Variants in MYT1L observed in about 807,000 individuals in gnomAD.
MYT1L encodes the protein myelin transcription factor 1 like, also known as myelin transcription factor 1-like protein.
MYT1L carries 12 observed loss-of-function variants against 126.7 expected under a neutral mutation model. That is an observed-to-expected ratio of 0.09 (90% CI 0.06 to 0.15). The LOEUF is 0.15. Among genes scored for constraint, MYT1L ranks in the 10% least tolerant of loss-of-function variants. The probability of loss-of-function intolerance (pLI) is 1.00; values close to 1 mark genes in which losing one functional copy is unlikely to be tolerated. For missense variants in MYT1L, 979 were observed against 1,585.2 expected (o/e 0.62, Z 6.49); for synonymous variants, 541 against 604.2 (o/e 0.90, Z 1.53).
At chr2:2,199,753 T>A (rs1013627824) in intron 2 of MYT1L, among the ~76,000 whole-genome samples, 5 of 152,296 alleles carry the variant, frequency 3.3e-5, no homozygotes, top group African/African-American at 1.2e-4. Flanking sequence ...CTGAAGCACT[T>A]CTTCCTCTTT....
chr2:1,816,177 A>G (rs900311263), intron 21 of MYT1L: 5 of 152,648 alleles, frequency 3.3e-5, no homozygotes, highest in African/African-American at 1.2e-4. Flanking sequence ...TTGATGGCTT[A>G]AAGTCCCATG....
At chr2:2,086,701 C>G (rs1259557182) in intron 3 of MYT1L, among the ~76,000 whole-genome samples, 1 of 152,182 alleles carries the variant, frequency 6.6e-6, no homozygotes, top group East Asian at 1.9e-4. Context: ...GGCCTCCGCT[C>G]TCTTAGCTGC....
At chr2:1,909,216 G>A (rs886376502) in intron 13 of MYT1L, among the ~76,000 whole-genome samples, 2 of 152,002 alleles carry the variant, frequency 1.3e-5, no homozygotes, top group African/African-American at 2.4e-5. Flanking sequence ...TGACCTCCTG[G>A]GCTCAAATCA....
chr2:2,101,522 C>T (rs561781815), intron 3 of MYT1L, among the ~76,000 whole-genome samples: 186 of 152,226 alleles, frequency 1.2e-3, no homozygotes, highest in Non-Finnish European at 2.1e-3. Flanking sequence ...TCCATCTATC[C>T]ACTCAGCAAC....
In MYT1L at chr2:2,224,011, G is replaced by A. The variant is rs147097078; in HGVS notation, c.-420-51023C>T. On this transcript the variant is annotated intron_variant, in intron 2 of 24. Coordinates refer to ENST00000647738, the MANE Select transcript of MYT1L (RefSeq NM_001303052.2). The surrounding 1 kb of genome is among the most constrained non-coding windows in gnomAD (Gnocchi z 4.0). ...TGCTTTGACTGAGTTGACAGGTGGAGTGTGTATGTTGTGTGAGGTAACTTT... is the reference window on the plus strand; with the variant it reads ...TGCTTTGACTGAGTTGACAGGTGGAATGTGTATGTTGTGTGAGGTAACTTT... Among the ~76,000 whole-genome samples, 35 of 152,308 alleles carry A rather than the reference G, an allele frequency of 2.3e-4. No homozygotes were observed. Among genetic ancestry groups the A allele is most frequent in the African/African-American group, 7.5e-4 (31 of 41,560 alleles).
chr2:1,797,349 G>T (rs187445815), intron 23 of MYT1L, among the ~76,000 whole-genome samples: 1 of 152,212 alleles, frequency 6.6e-6, no homozygotes, highest in Non-Finnish European at 1.5e-5. Flanking sequence ...TCAGCCTCCC[G>T]AGTACCTGGG....
chr2:2,302,613 C>T (rs1017014636), intron 1 of MYT1L, among the ~76,000 whole-genome samples: 3 of 152,150 alleles, frequency 2.0e-5, no homozygotes, highest in African/African-American at 7.2e-5. Context: ...ACAATGAGTT[C>T]TTTCCGTCCC....
At chr2:2,031,295 A>G (rs1423597370) in intron 4 of MYT1L, among the ~76,000 whole-genome samples, 1 of 152,262 alleles carries the variant, frequency 6.6e-6, no homozygotes, top group Non-Finnish European at 1.5e-5. Flanking sequence ...GGAGTGTCAG[A>G]TAAGGTCTAG....
At chr2:2,310,269 C>A (rs1306055650) in intron 1 of MYT1L, among the ~76,000 whole-genome samples, 1 of 151,614 alleles carries the variant, frequency 6.6e-6, no homozygotes, top group Non-Finnish European at 1.5e-5. Context: ...CACATCAGAA[C>A]ACTCTATGTA....
At chr2:1,894,911 G>C (rs972569934) in intron 14 of MYT1L, among the ~76,000 whole-genome samples, 28 of 152,228 alleles carry the variant, frequency 1.8e-4, no homozygotes, top group Non-Finnish European at 3.4e-4. Context: ...CACCCTGTAA[G>C]ATGCTACCAC....
At chr2:2,292,949 AAC>A (rs1215308985) in intron 1 of MYT1L, among the ~76,000 whole-genome samples, 2 of 152,170 alleles carry the variant, frequency 1.3e-5, no homozygotes, top group African/African-American at 2.4e-5. Flanking sequence ...TTTTCCCTGA[AAC>A]ACACTCTGCA....
intron 3 of MYT1L, among the ~76,000 whole-genome samples, chr2:2,159,588 T>C (rs980715984): frequency 2.6e-5 from 4 of 152,000 alleles, no homozygotes; most frequent in Admixed American, 6.6e-5. Context: ...TGTGTTGAGA[T>C]TGCCGACTAG....
chr2:2,141,132 A>G (rs1401288359), intron 3 of MYT1L, among the ~76,000 whole-genome samples: 1 of 152,206 alleles, frequency 6.6e-6, no homozygotes, highest in Non-Finnish European at 1.5e-5. Context: ...TTTCATCCAC[A>G]AAGAGATAAC....
intron 2 of MYT1L, among the ~76,000 whole-genome samples, chr2:2,234,933 C>T (rs1316676428): frequency 2.0e-5 from 3 of 152,240 alleles, no homozygotes; most frequent in Non-Finnish European, 2.9e-5. Flanking sequence ...ACCCAGCCTC[C>T]AGCTCCCCTT....
chr2:2,329,362 G>A (rs920535685), intron 1 of MYT1L, among the ~76,000 whole-genome samples: 1 of 151,994 alleles, frequency 6.6e-6, no homozygotes, highest in Non-Finnish European at 1.5e-5. Context: ...TTTTTTAGAT[G>A]TTGATAATTT....
rs146025022 is a variant in MYT1L, at chr2:2,068,631, A to G, written c.-303-14508T>C. On this transcript the variant is annotated intron_variant, in intron 3 of 24. Transcript: ENST00000647738. ...CCTTAAGGAAAATATCTGAAAGATAATAGTATTTCCCTCATCTATAATGAC... is the reference window on the plus strand; with the variant it reads ...CCTTAAGGAAAATATCTGAAAGATAGTAGTATTTCCCTCATCTATAATGAC... 5.9e-3 allele frequency among the ~76,000 whole-genome samples: 899 copies of G among 152,220 alleles called. 10 individuals carry two copies. The highest frequency in any genetic ancestry group is 0.02 in the African/African-American group (821 of 41,540).
intron 3 of MYT1L, among the ~76,000 whole-genome samples, chr2:2,067,528 C>G (rs1209153490): frequency 6.6e-6 from 1 of 152,066 alleles, no homozygotes; most frequent in Non-Finnish European, 1.5e-5. Flanking sequence ...GAGCTTGATA[C>G]CAACCTGGAT....
chr2:2,155,598 A>G (rs1575535536), intron 3 of MYT1L, among the ~76,000 whole-genome samples: 1 of 152,118 alleles, frequency 6.6e-6, no homozygotes, highest in Admixed American at 6.5e-5. Context: ...GCTAAATTTA[A>G]AACCCTCAAT....
intron 3 of MYT1L, among the ~76,000 whole-genome samples, chr2:2,137,548 T>C (rs2083250585): frequency 6.6e-6 from 1 of 152,120 alleles, no homozygotes; most frequent in Non-Finnish European, 1.5e-5. Flanking sequence ...TATCTACAAC[T>C]ATCTGATCTT....
Sources: gnomAD v4.1 joint callset for allele counts (sites outside exome capture counted in the v4.1 genomes callset) on GRCh38, gnomAD v4.1.1 for gene constraint, Gnocchi (gnomAD v3.1) non-coding constraint, MANE v1.5 for transcripts, NCBI Gene and HGNC (gene_info 2026-07-23, HGNC 2026-07-21) for gene names.